Variants in POLA1 observed in about 807,000 individuals in gnomAD.
POLA1 encodes the protein DNA polymerase alpha catalytic subunit.
Under a neutral mutation model 124.0 loss-of-function variants are expected in POLA1, and 15 were observed. The observed-to-expected ratio is 0.12, with a 90% CI of 0.08 to 0.19. The LOEUF is 0.19. Among genes scored for constraint, POLA1 ranks in the 10% least tolerant of loss-of-function variants. The pLI is 1.00. For synonymous variants in POLA1, 408 were observed against 389.4 expected (o/e 1.05, Z -0.56); for missense variants, 886 against 1,103.4 (o/e 0.80, Z 2.79).
intron 26 of POLA1, among the ~76,000 whole-genome samples, chrX:24,797,887 A>G (rs1602406128): frequency 1.8e-5 from 2 of 108,558 alleles, no homozygotes; most frequent in African/African-American, 6.7e-5. Context: ...GTCTTTAAAA[A>G]AAAAAAAAAA....
chrX:24,759,498 G>C (rs1004669774), intron 26 of POLA1, among the ~76,000 whole-genome samples: 1 of 111,815 alleles, frequency 8.9e-6, no homozygotes, highest in Admixed American at 9.5e-5. Context: ...TTATAGATGG[G>C]TAGATAGGGA....
chrX:24,694,120 C>T, intron 1 of POLA1, 116 bp downstream of exon 1: 1 of 743,076 alleles, frequency 1.3e-6, no homozygotes, highest in Non-Finnish European at 1.9e-6. Context: ...CCTTGGTCGT[C>T]CCCGGCGGGG....
chrX:24,708,521 A>G (rs1306587492), intron 4 of POLA1, among the ~76,000 whole-genome samples: 10 of 68,033 alleles, frequency 1.5e-4, no homozygotes, highest in Non-Finnish European at 2.4e-4. Context: ...TCCTAGGCAG[A>G]GGACCCTGCG....
chrX:24,711,255 A>C (rs1348729578), intron 4 of POLA1, among the ~76,000 whole-genome samples: 3 of 112,644 alleles, frequency 2.7e-5, no homozygotes, highest in Non-Finnish European at 5.6e-5. Flanking sequence ...AAGTGTTGGG[A>C]TTACAGGCAT....
intron 36 of POLA1, among the ~76,000 whole-genome samples, chrX:24,961,236 A>C (rs899585038): frequency 9.0e-6 from 1 of 110,717 alleles, no homozygotes; most frequent in Non-Finnish European, 1.9e-5. Context: ...GCTCTTTTTC[A>C]CCATCTTGCT....
chrX:24,904,908 C>T (rs2047338927), intron 35 of POLA1, among the ~76,000 whole-genome samples: 1 of 109,886 alleles, frequency 9.1e-6, no homozygotes, highest in Admixed American at 9.7e-5. Context: ...CCTGTAATCC[C>T]AGCTACTTAG....
In POLA1 at chrX:24,706,114, G is replaced by T. The variant is rs2526305; in HGVS notation, c.346+1645G>T. On this transcript the variant is annotated intron_variant, in intron 4 of 36. Coordinates refer to ENST00000379068, the MANE Select transcript of POLA1 (RefSeq NM_001330360.2). ...CCCAGTGCTTTTAGCATCTATTGTTGATCCTTTCTCTTCTTTTAAAAATTA... is the reference window on the plus strand; with the variant it reads ...CCCAGTGCTTTTAGCATCTATTGTTTATCCTTTCTCTTCTTTTAAAAATTA... 6.3e-3 allele frequency among the ~76,000 whole-genome samples: 710 copies of T among 111,987 alleles called. 5 individuals are homozygous for T. Among genetic ancestry groups the T allele is most frequent in the Non-Finnish European group, 0.01 (550 of 53,184 alleles).
At chrX:24,953,055 C>T (rs975946392) in intron 36 of POLA1, among the ~76,000 whole-genome samples, 1 of 111,960 alleles carries the variant, frequency 8.9e-6, no homozygotes, top group Non-Finnish European at 1.9e-5. Context: ...CAATAATCTG[C>T]TGAATGGATG....
At chrX:24,843,820 A>G (rs1270473628) in intron 34 of POLA1, 143 bp downstream of exon 34, 3 of 318,550 alleles carry the variant, frequency 9.4e-6, no homozygotes, top group Non-Finnish European at 1.6e-5. Context: ...ATGATAAAGT[A>G]TGTAATTTTG....
intron 36 of POLA1, among the ~76,000 whole-genome samples, chrX:24,966,357 TCCACTG>T (rs1324740493): frequency 1.8e-5 from 2 of 111,447 alleles, no homozygotes; most frequent in Non-Finnish European, 3.8e-5. Flanking sequence ...CAGGAAAAAT[TCCACTG>T]CCACCATCCA....
intron 36 of POLA1, among the ~76,000 whole-genome samples, chrX:24,946,026 A>G (rs142135843): frequency 6.2e-4 from 69 of 111,926 alleles, no homozygotes; most frequent in East Asian, 1.4e-3. Flanking sequence ...TATAAAGCAC[A>G]TTATTTTCCC....
intron 26 of POLA1, among the ~76,000 whole-genome samples, chrX:24,771,014 A>G (rs1217961635): frequency 9.0e-6 from 1 of 111,607 alleles, no homozygotes; most frequent in Non-Finnish European, 1.9e-5. Context: ...AAAATTTTCA[A>G]ATATTGAAGA....
intron 26 of POLA1, among the ~76,000 whole-genome samples, chrX:24,783,860 C>T (rs1193508926): frequency 9.0e-6 from 1 of 110,811 alleles, no homozygotes; most frequent in East Asian, 2.8e-4. Flanking sequence ...GTTTCTAAGT[C>T]ACACTAGCCA....
chrX:24,924,168 C>T (rs1352110173), intron 35 of POLA1, among the ~76,000 whole-genome samples: 3 of 111,784 alleles, frequency 2.7e-5, no homozygotes, highest in Non-Finnish European at 3.8e-5. Flanking sequence ...AGAAGCTTAT[C>T]GTCTAATTGG....
intron 4 of POLA1, among the ~76,000 whole-genome samples, chrX:24,707,580 C>T (rs1363314340): frequency 8.9e-6 from 1 of 112,226 alleles, no homozygotes. Context: ...TCACAAGATC[C>T]TAGGAAGGAA....
chrX:24,880,697 G>A (rs967311954), intron 34 of POLA1, among the ~76,000 whole-genome samples: 2 of 111,826 alleles, frequency 1.8e-5, no homozygotes, highest in Admixed American at 9.5e-5. Flanking sequence ...AAAAGCAGCT[G>A]TGGGCCCATA....
At chrX:24,825,829 C>A (rs902746379) in intron 31 of POLA1, among the ~76,000 whole-genome samples, 18 of 111,266 alleles carry the variant, frequency 1.6e-4, no homozygotes, top group African/African-American at 5.9e-4. Context: ...TCTGCTAGGA[C>A]ACTACGTCAT....
chrX:24,944,697 A>C (rs182795288), intron 36 of POLA1, among the ~76,000 whole-genome samples: 3 of 112,014 alleles, frequency 2.7e-5, no homozygotes, highest in African/African-American at 9.7e-5. Flanking sequence ...GCTCTCACGA[A>C]CTAGAGGAAT....
intron 34 of POLA1, among the ~76,000 whole-genome samples, chrX:24,853,427 C>T (rs188815614): frequency 2.7e-5 from 3 of 112,140 alleles, no homozygotes; most frequent in Non-Finnish European, 5.6e-5. Flanking sequence ...CTGTCTTGCA[C>T]TTTGAGCAGA....
Sources: allele counts gnomAD v4.1 joint callset (sites outside exome capture counted in the v4.1 genomes callset), GRCh38; gene constraint gnomAD v4.1.1; transcripts MANE v1.5; gene names NCBI Gene and HGNC (gene_info 2026-07-23, HGNC 2026-07-21).